Variants in ROBO2 observed in about 807,000 individuals in gnomAD.
ROBO2 encodes the protein roundabout guidance receptor 2, also known as roundabout homolog 2.
ROBO2 carries 53 observed loss-of-function variants against 160.8 expected under a neutral mutation model. The observed-to-expected ratio is 0.33, with a 90% confidence interval of 0.26 to 0.41. The LOEUF (loss-of-function observed/expected upper bound fraction) is 0.41, where lower values mean the gene tolerates loss of function less well. Ranked by LOEUF, ROBO2 falls within the 10% of genes least tolerant of loss-of-function variation. The probability of loss-of-function intolerance (pLI) is 1.00; values close to 1 mark genes in which losing one functional copy is unlikely to be tolerated. For missense variants in ROBO2, 1,577 were observed against 1,722.4 expected (o/e 0.92, Z 1.49); for synonymous variants, 664 against 611.7 (o/e 1.09, Z -1.26).
chr3:76,413,689 TATC>T (rs1559907663), intron 2 of ROBO2, among the ~76,000 whole-genome samples: 1 of 152,158 alleles, frequency 6.6e-6, no homozygotes, highest in Non-Finnish European at 1.5e-5. Flanking sequence ...TTATTGTCCA[TATC>T]ATTATCAGCA....
intron 2 of ROBO2, among the ~76,000 whole-genome samples, chr3:76,947,274 A>T (rs921445290): frequency 6.6e-6 from 1 of 152,084 alleles, no homozygotes; most frequent in Non-Finnish European, 1.5e-5. Flanking sequence ...CTATAAAAAA[A>T]CATTCAAACC....
chr3:76,713,768 G>A (rs1279996580), intron 2 of ROBO2, among the ~76,000 whole-genome samples: 6 of 152,146 alleles, frequency 3.9e-5, no homozygotes, highest in East Asian at 1.9e-4. Context: ...GCTTTTAAGC[G>A]TACTTCTATT....
At chr3:77,236,543 G>A (rs75912930) in intron 2 of ROBO2, among the ~76,000 whole-genome samples, 3,807 of 152,256 alleles carry the variant, frequency 0.025, 103 homozygotes, top group African/African-American at 0.055. Context: ...ATGGTTGGGG[G>A]TCCTTAAAAT....
At chr3:77,405,203 A>G (rs576707424) in intron 2 of ROBO2, among the ~76,000 whole-genome samples, 5 of 152,166 alleles carry the variant, frequency 3.3e-5, no homozygotes, top group Non-Finnish European at 7.4e-5. Context: ...TTACAACTAA[A>G]TGGACAAATA....
At chr3:76,632,948 A>G (rs963827371) in intron 2 of ROBO2, among the ~76,000 whole-genome samples, 1 of 152,172 alleles carries the variant, frequency 6.6e-6, no homozygotes, top group African/African-American at 2.4e-5. Flanking sequence ...TACATTTTTT[A>G]TTCTGCTTGC....
At chr3:75,912,554 G>T (rs1946642723) in intron 1 of ROBO2, among the ~76,000 whole-genome samples, 1 of 152,162 alleles carries the variant, frequency 6.6e-6, no homozygotes, top group Admixed American at 6.5e-5. Flanking sequence ...TCTAGGTATT[G>T]TCCCCAGACT....
intron 2 of ROBO2, among the ~76,000 whole-genome samples, chr3:77,184,675 T>A (rs1579748206): frequency 6.6e-6 from 1 of 152,068 alleles, no homozygotes; most frequent in East Asian, 1.9e-4. Flanking sequence ...AATCCTTATC[T>A]GGATTTAAAG....
intron 2 of ROBO2, among the ~76,000 whole-genome samples, chr3:76,925,384 T>C (rs960756995): frequency 2.6e-5 from 4 of 152,132 alleles, no homozygotes; most frequent in Non-Finnish European, 5.9e-5. Context: ...ATTAAGTCTT[T>C]GGAAAATATT....
intron 2 of ROBO2, among the ~76,000 whole-genome samples, chr3:77,023,914 T>C (rs1490518807): frequency 6.6e-6 from 1 of 152,208 alleles, no homozygotes; most frequent in African/African-American, 2.4e-5. Flanking sequence ...TCCCTATCTA[T>C]ATTTTTGAAA....
At chr3:76,022,494 T>A (rs560663519) in intron 2 of ROBO2, among the ~76,000 whole-genome samples, 1 of 151,950 alleles carries the variant, frequency 6.6e-6, no homozygotes, top group Non-Finnish European at 1.5e-5. Context: ...TACTCCTTGA[T>A]TCAGCGGCTA....
chr3:76,500,613 C>T (rs1280090850), intron 2 of ROBO2, among the ~76,000 whole-genome samples: 2 of 152,252 alleles, frequency 1.3e-5, no homozygotes, highest in Non-Finnish European at 2.9e-5. Context: ...ACATTTGTCA[C>T]ATTCTTCACA....
intron 2 of ROBO2, among the ~76,000 whole-genome samples, chr3:76,392,973 A>G (rs1362582230): frequency 6.6e-6 from 1 of 152,198 alleles, no homozygotes; most frequent in Non-Finnish European, 1.5e-5. Context: ...ATTGGCTTCC[A>G]TGCACATTTT....
intron 2 of ROBO2, among the ~76,000 whole-genome samples, chr3:76,458,910 T>A (rs940976167): frequency 2.6e-5 from 4 of 152,118 alleles, no homozygotes; most frequent in East Asian, 1.9e-4. Context: ...TCACAGCATG[T>A]GGGAATTCTG....
At chr3:76,601,580 C>A (rs1409274638) in intron 2 of ROBO2, among the ~76,000 whole-genome samples, 2 of 152,218 alleles carry the variant, frequency 1.3e-5, no homozygotes, top group African/African-American at 4.8e-5. Context: ...TACCTTGGCC[C>A]CTTTTAGTCA....
intron 2 of ROBO2, among the ~76,000 whole-genome samples, chr3:76,217,065 G>A (rs2107367373): frequency 6.6e-6 from 1 of 152,234 alleles, no homozygotes; most frequent in East Asian, 1.9e-4. Flanking sequence ...TGACTGCTGG[G>A]TACATAACGA....
intron 2 of ROBO2, among the ~76,000 whole-genome samples, chr3:77,314,438 G>A (rs1378439146): frequency 6.6e-6 from 1 of 152,080 alleles, no homozygotes. Flanking sequence ...TTCTTTTAAG[G>A]TGTTTTGTCT....
At chr3:76,136,114 T>C (rs2071420027) in intron 2 of ROBO2, among the ~76,000 whole-genome samples, 1 of 152,146 alleles carries the variant, frequency 6.6e-6, no homozygotes, top group Non-Finnish European at 1.5e-5. Context: ...ATTTAAATGT[T>C]CTGAGTTTTA....
At chr3:76,802,462 C>A (rs535858086) in intron 2 of ROBO2, among the ~76,000 whole-genome samples, 80 of 152,036 alleles carry the variant, frequency 5.3e-4, no homozygotes, top group Non-Finnish European at 7.2e-4. Flanking sequence ...GGCGCGGTGG[C>A]TCACGCCTGT....
chr3:76,060,681 T>G (rs1419568151), intron 2 of ROBO2, among the ~76,000 whole-genome samples: 1 of 152,214 alleles, frequency 6.6e-6, no homozygotes, highest in Non-Finnish European at 1.5e-5. Flanking sequence ...AAATAACTAG[T>G]CCAAGGTTTT....
Sources: gnomAD v4.1 joint callset for allele counts (sites outside exome capture counted in the v4.1 genomes callset) on GRCh38, gnomAD v4.1.1 for gene constraint, MANE v1.5 for transcripts, NCBI Gene and HGNC (gene_info 2026-07-23, HGNC 2026-07-21) for gene names.